Variants in TMEM74 observed in about 807,000 individuals in gnomAD.
The protein encoded by TMEM74 is transmembrane protein 74.
A neutral mutation model predicts 18.1 loss-of-function variants in TMEM74; 13 were observed. That is an observed-to-expected ratio of 0.72 (90% CI 0.47 to 1.14). The LOEUF (loss-of-function observed/expected upper bound fraction) is 1.14. Among genes scored for constraint, TMEM74 ranks in the 50% most tolerant of loss-of-function variants. The pLI is 0.00. For missense variants in TMEM74, 372 were observed against 375.9 expected, an observed-to-expected ratio of 0.99 and a Z score of 0.09; for synonymous variants, 159 against 146.6, an observed-to-expected ratio of 1.08 and a Z score of -0.61.
chr8:108,699,177 CT>C (rs1451810111), intron 1 of TMEM74, among the ~76,000 whole-genome samples: 4 of 98,238 alleles, frequency 4.1e-5, no homozygotes, highest in African/African-American at 1.9e-4. Context: ...TCCTTCCTTC[CT>C]TCCTTCCTCC....
intron 1 of TMEM74, among the ~76,000 whole-genome samples, chr8:108,683,283 A>G (rs1813133855): frequency 6.6e-6 from 1 of 151,740 alleles, no homozygotes; most frequent in African/African-American, 2.4e-5. Flanking sequence ...AATTAATTCA[A>G]TTGAGCTGCA....
intron 1 of TMEM74, among the ~76,000 whole-genome samples, chr8:108,771,729 G>GT (rs1389941242): frequency 1.3e-5 from 2 of 152,036 alleles, no homozygotes; most frequent in Non-Finnish European, 2.9e-5. Context: ...GAGATATGAG[G>GT]TTTTTTTGGT....
intron 1 of TMEM74, among the ~76,000 whole-genome samples, chr8:108,697,550 T>G (rs1813292145): frequency 6.6e-6 from 1 of 152,236 alleles, no homozygotes; most frequent in East Asian, 1.9e-4. Flanking sequence ...CCTATGTAGC[T>G]GGGACCACAG....
intron 1 of TMEM74, among the ~76,000 whole-genome samples, chr8:108,740,438 G>A (rs1384060915): frequency 6.6e-6 from 1 of 152,210 alleles, no homozygotes; most frequent in Non-Finnish European, 1.5e-5. Context: ...TCAAAGAACA[G>A]GAGCTGTACA....
intron 1 of TMEM74, among the ~76,000 whole-genome samples, chr8:108,678,116 C>G (rs1813072656): frequency 6.6e-6 from 1 of 152,224 alleles, no homozygotes; most frequent in East Asian, 1.9e-4. Flanking sequence ...CAAAACAAAA[C>G]ACTATACCAT....
chr8:108,722,394 G>C (rs968156099), intron 1 of TMEM74, among the ~76,000 whole-genome samples: 7 of 152,162 alleles, frequency 4.6e-5, no homozygotes, highest in Admixed American at 2.6e-4. Flanking sequence ...AAAGTGGCTT[G>C]CTATGGTGAA....
intron 2 of TMEM74, among the ~76,000 whole-genome samples, chr8:108,643,230 C>T (rs895606897): frequency 2.0e-5 from 3 of 152,068 alleles, no homozygotes; most frequent in Non-Finnish European, 2.9e-5. Context: ...ATTGCTGTAC[C>T]CAACTGAAGA....
chr8:108,615,348 G>A (rs1812372665), intron 2 of TMEM74, among the ~76,000 whole-genome samples: 2 of 152,212 alleles, frequency 1.3e-5, no homozygotes, highest in African/African-American at 2.4e-5. Flanking sequence ...TTGTATACTA[G>A]AAAGTGGCCT....
chr8:108,770,967 C>T (rs77247311), intron 1 of TMEM74, among the ~76,000 whole-genome samples: 1 of 152,026 alleles, frequency 6.6e-6, no homozygotes, highest in Non-Finnish European at 1.5e-5. Flanking sequence ...TGAGAAGGTC[C>T]CACATCGTCC....
intron 1 of TMEM74, among the ~76,000 whole-genome samples, chr8:108,679,621 G>C (rs1289937598): frequency 6.6e-6 from 1 of 152,098 alleles, no homozygotes; most frequent in African/African-American, 2.4e-5. Context: ...AAATTTGTTG[G>C]AGTTCATTGT....
chr8:108,656,622 A>G (rs1812823881), intron 1 of TMEM74, among the ~76,000 whole-genome samples: 1 of 152,164 alleles, frequency 6.6e-6, no homozygotes. Flanking sequence ...CACTCTTAGG[A>G]TGACTTCATT....
intron 2 of TMEM74, among the ~76,000 whole-genome samples, chr8:108,614,221 G>C (rs1443824690): frequency 6.6e-6 from 1 of 152,058 alleles, no homozygotes; most frequent in East Asian, 1.9e-4. Flanking sequence ...TCAACATATT[G>C]CAATACTGCT....
intron 1 of TMEM74, among the ~76,000 whole-genome samples, chr8:108,658,602 A>G (rs1812869393): frequency 6.6e-6 from 1 of 152,216 alleles, no homozygotes; most frequent in South Asian, 2.1e-4. Context: ...AGGAAAAAAG[A>G]TCTCTGAATT....
Position 108,784,231 on chromosome 8 carries a change from T to G in TMEM74, c.868A>C (p.Thr290Pro), listed in dbSNP as rs1814345546. 6.2e-7 allele frequency: 1 copy of G among 1,613,844 alleles called. No individual in the cohort carries two copies. The highest frequency in any genetic ancestry group is 8.5e-7 in the Non-Finnish European group (1 of 1,179,948). ...TCCTCTACCAAGGACAGTTCCAGAG[T>G]GTTTTCATTCGTGCTGGTTTTCATC... Reference protein sequence around the residue: ...FRMKTSTNENTLELSLVEEDA... With the variant: ...FRMKTSTNENPLELSLVEEDA... Residue 290 changes from threonine (T) to proline (P), a missense_variant, in exon 2 of 2, where the codon ACT (threonine) becomes CCT (proline). Physicochemically the swap from Thr to Pro is conservative, Grantham distance 38. Transcript: ENST00000297459.
intron 1 of TMEM74, among the ~76,000 whole-genome samples, chr8:108,758,726 C>G (rs1376086318): frequency 6.6e-6 from 1 of 151,876 alleles, no homozygotes; most frequent in African/African-American, 2.4e-5. Context: ...ACAAAATGTT[C>G]ATTATCATAT....
chr8:108,683,475 C>G (rs6998389), intron 1 of TMEM74, among the ~76,000 whole-genome samples: 15 of 151,474 alleles, frequency 9.9e-5, no homozygotes, highest in Non-Finnish European at 3.0e-5. Flanking sequence ...ATGTAGCATT[C>G]GGAAATTTAT....
chr8:108,621,375 G>T (rs1563734027), intron 2 of TMEM74, among the ~76,000 whole-genome samples: 2 of 152,268 alleles, frequency 1.3e-5, no homozygotes, highest in East Asian at 3.9e-4. Flanking sequence ...GAGCTTTTAA[G>T]TCTCCTGCAG....
At chr8:108,775,798 T>C (rs1394652029), downstream of TMEM74, among the ~76,000 whole-genome samples, 5 of 152,314 alleles carry the variant, frequency 3.3e-5, no homozygotes, top group Middle Eastern at 3.4e-3. Flanking sequence ...TCATCATTTG[T>C]ATAAGGTGTG....
intron 1 of TMEM74, among the ~76,000 whole-genome samples, chr8:108,707,837 C>T (rs1247792522): frequency 6.6e-6 from 1 of 152,048 alleles, no homozygotes; most frequent in Non-Finnish European, 1.5e-5. Context: ...GAAAAATAAA[C>T]AAGTAGGATT....
Sources: allele counts gnomAD v4.1 joint callset (sites outside exome capture counted in the v4.1 genomes callset), GRCh38; gene constraint gnomAD v4.1.1; transcripts MANE v1.5; gene names NCBI Gene and HGNC (gene_info 2026-07-23, HGNC 2026-07-21).